Variants in DEPDC5 observed in about 807,000 individuals in gnomAD.
The protein encoded by DEPDC5 is GATOR1 complex protein DEPDC5.
In DEPDC5, 73 loss-of-function variants were observed where a neutral mutation model predicts 217.3. That is an observed-to-expected ratio of 0.34 (90% confidence interval 0.28 to 0.41). DEPDC5 has a LOEUF of 0.41. DEPDC5 is among the 10% of genes least tolerant of loss of function. DEPDC5 has a pLI of 1.00. For missense variants in DEPDC5, 1,675 were observed against 2,070.1 expected (o/e 0.81, Z 3.70); for synonymous variants, 733 against 756.7 (o/e 0.97, Z 0.51).
intron 37 of DEPDC5, 90 bp downstream of exon 37, chr22:31,876,355 A>G: frequency 3.2e-6 from 3 of 949,378 alleles, no homozygotes; most frequent in Non-Finnish European, 4.9e-6. Flanking sequence ...CCTGAGCTGC[A>G]TGTGTGACTT....
chr22:31,824,508 A>T (rs2089981491), intron 24 of DEPDC5, among the ~76,000 whole-genome samples: 1 of 152,204 alleles, frequency 6.6e-6, no homozygotes, highest in Non-Finnish European at 1.5e-5. Flanking sequence ...CTAAATGGTT[A>T]TTATTTCATT....
In DEPDC5 at chr22:31,837,701, C is replaced by CT. The variant is rs1040340000; in HGVS notation, c.2354+556dup. On this transcript the variant is annotated intron_variant, in intron 26 of 42. Coordinates refer to ENST00000651528, the MANE Select transcript of DEPDC5 (RefSeq NM_001242896.3). ...GTGTCCTCTTTTTATATTTGGGTAACTTTTTTTTTTATTTTTTTGAGACAG... is the reference window on the plus strand; with the variant it reads ...GTGTCCTCTTTTTATATTTGGGTAACTTTTTTTTTTTATTTTTTTGAGACAG... 3.3e-3 allele frequency among the ~76,000 whole-genome samples: 491 copies of CT among 148,282 alleles called. 7 individuals carry two copies. The highest frequency in any genetic ancestry group is 0.011 in the African/African-American group (463 of 40,380).
chr22:31,773,459 C>A (rs1383465356), intron 7 of DEPDC5, among the ~76,000 whole-genome samples: 3 of 152,100 alleles, frequency 2.0e-5, no homozygotes, highest in Non-Finnish European at 2.9e-5. Context: ...TGGCTCAGCC[C>A]CCTAGAGTGC....
chr22:31,861,296 A>C (rs1208495768), intron 32 of DEPDC5, 72 bp from the exon 33 acceptor site: 1 of 1,407,842 alleles, frequency 7.1e-7, no homozygotes, highest in African/African-American at 1.4e-5. Flanking sequence ...CTGATGGTTA[A>C]CCACTGGTAC....
At chr22:31,869,411 T>C (rs1264238212) in intron 33 of DEPDC5, among the ~76,000 whole-genome samples, 1 of 151,654 alleles carries the variant, frequency 6.6e-6, no homozygotes, top group East Asian at 1.9e-4. Flanking sequence ...TAAAGACTGA[T>C]GGGATTAGCC....
At chr22:31,796,383 G>T (rs1380025745) in intron 12 of DEPDC5, among the ~76,000 whole-genome samples, 7 of 152,142 alleles carry the variant, frequency 4.6e-5, no homozygotes, top group Non-Finnish European at 1.0e-4. Flanking sequence ...GATTACAGGC[G>T]TTAGCCACTG....
intron 32 of DEPDC5, 51 bp downstream of exon 32, chr22:31,857,604 G>A (rs568954654): frequency 1.4e-6 from 2 of 1,473,110 alleles, no homozygotes; most frequent in East Asian, 4.8e-5. Context: ...CAGAGACTCA[G>A]TGTGGAGGGT....
chr22:31,766,818 T>C (rs1416684182), intron 6 of DEPDC5, 150 bp downstream of exon 6: 2 of 705,150 alleles, frequency 2.8e-6, no homozygotes, highest in African/African-American at 3.6e-5. Context: ...TCTTCCATTC[T>C]CTTTTCACTG....
At chr22:31,829,903 T>A (rs561399594) in intron 24 of DEPDC5, among the ~76,000 whole-genome samples, 24 of 152,184 alleles carry the variant, frequency 1.6e-4, no homozygotes, top group Non-Finnish European at 5.9e-5. Flanking sequence ...TTTATTGGAG[T>A]TAAATCATTT....
At chr22:31,784,667 CCT>C (rs1334960292) in intron 9 of DEPDC5, 145 bp from the exon 10 acceptor site, 1 of 639,086 alleles carries the variant, frequency 1.6e-6, no homozygotes, top group Non-Finnish European at 2.7e-6. Context: ...TTTTTGGTCC[CCT>C]TTCTTATAGA....
intron 24 of DEPDC5, among the ~76,000 whole-genome samples, chr22:31,824,755 C>T (rs559649914): frequency 2.0e-5 from 3 of 151,890 alleles, no homozygotes; most frequent in African/African-American, 2.4e-5. Context: ...ATCACGAGGT[C>T]AGGAGATTGA....
intron 34 of DEPDC5, 89 bp downstream of exon 34, chr22:31,870,833 G>A: frequency 7.3e-7 from 1 of 1,376,582 alleles, no homozygotes; most frequent in South Asian, 1.9e-5. Context: ...CAAAGCTCTG[G>A]GCCGAGTTCT....
Position 31,870,631 on chromosome 22 carries a change from C to T in DEPDC5, c.3372C>T (p.Thr1124=), listed in dbSNP as rs1262234113. ...CAGCCACTCCTATGTTGGACGGCAC[C>T]AGTTTGGGCATATGCACAGGCCAAT... The part of the protein sequence containing the change: ...DQTATPMLDG[T]SLGICTGQSM... The change falls in exon 34 of 43, where the codon ACC becomes ACT. Residue 1124 remains threonine, a synonymous_variant. Coordinates refer to ENST00000651528, the MANE Select transcript of DEPDC5 (RefSeq NM_001242896.3). 1 of 1,590,772 alleles carries T rather than the reference C, an allele frequency of 6.3e-7. No individual in the cohort carries two copies. Among genetic ancestry groups the T allele is most frequent in the South Asian group, 1.2e-5 (1 of 86,954 alleles).
Position 31,843,731 on chromosome 22 carries a change from A to G in DEPDC5, c.2720A>G (p.Glu907Gly). ...SDSEFVSCWV[E>G]FSHERLEEYK... is the part of the protein sequence containing the mutation. ...TCAGAGTTCGTCTCCTGCTGGGTGG[A>G]ATTCTCCCACGAACGGCTGGAGGAG... is the stretch of plus-strand genomic sequence containing the variant. The change falls in exon 29 of 43, where the codon GAA becomes GGA. Residue 907 changes from glutamate to glycine, a missense_variant. By Grantham distance (98) the Glu-to-Gly change is moderately conservative. Around this residue, in one of 11 missense-constraint regions of DEPDC5, gnomAD observed 293 missense variants for 386.1 expected, o/e 0.76. Transcript: ENST00000651528. 2 of 1,614,050 alleles carry G rather than the reference A, an allele frequency of 1.2e-6. No homozygotes were observed. Among genetic ancestry groups the G allele is most frequent in the Non-Finnish European group, 1.7e-6 (2 of 1,179,978 alleles).
rs1180694561 is a variant in DEPDC5, at chr22:31,893,714, A to C, written c.4166A>C (p.His1389Pro). The change falls in exon 39 of 43, where the codon CAC (histidine) becomes CCC (proline). Residue 1389 changes from histidine to proline, a missense_variant. By Grantham distance (77) the His-to-Pro change is moderately conservative. Transcript: ENST00000651528. ...AATGCAGCCTTTGAGATCAAGCTGCACTGGATGGCGGTGACCGCAGCAGTA... is the reference window on the plus strand; with the variant it reads ...AATGCAGCCTTTGAGATCAAGCTGCCCTGGATGGCGGTGACCGCAGCAGTA... ...SLNAAFEIKL[H>P]WMAVTAAVLF... 1.9e-6 allele frequency: 3 copies of C among 1,613,882 alleles called. No homozygotes were observed. Among genetic ancestry groups the C allele is most frequent in the Non-Finnish European group, 2.5e-6 (3 of 1,179,890 alleles).
chr22:31,762,291 C>T (rs981396361), intron 4 of DEPDC5, among the ~76,000 whole-genome samples: 2 of 152,210 alleles, frequency 1.3e-5, no homozygotes, highest in African/African-American at 4.8e-5. Flanking sequence ...CCGGACTATA[C>T]AGTCTAGGCG....
chr22:31,852,664 C>T (rs1427704305), intron 31 of DEPDC5, among the ~76,000 whole-genome samples: 2 of 152,068 alleles, frequency 1.3e-5, no homozygotes, highest in Non-Finnish European at 2.9e-5. Context: ...AATCAAATTC[C>T]TGATGTCATT....
intron 37 of DEPDC5, 91 bp downstream of exon 37, chr22:31,876,356 TG>T: frequency 2.2e-6 from 2 of 918,300 alleles, no homozygotes; most frequent in Non-Finnish European, 3.4e-6. Flanking sequence ...CTGAGCTGCA[TG>T]TGTGACTTTG....
At chr22:31,886,797 A>G (rs2093325366) in intron 38 of DEPDC5, among the ~76,000 whole-genome samples, 1 of 149,268 alleles carries the variant, frequency 6.7e-6, no homozygotes, top group Non-Finnish European at 1.5e-5. Flanking sequence ...GAGGCCAGGC[A>G]TGGTGGTTCA....
Sources: allele counts gnomAD v4.1 joint callset (sites outside exome capture counted in the v4.1 genomes callset), GRCh38; gene constraint gnomAD v4.1.1; regional missense constraint gnomAD v4.1.1; transcripts MANE v1.5; gene names NCBI Gene and HGNC (gene_info 2026-07-23, HGNC 2026-07-21).